Variants in TSHZ3 observed in about 807,000 individuals in gnomAD.
TSHZ3 encodes teashirt zinc finger homeobox 3.
TSHZ3 carries 10 observed loss-of-function variants against 64.5 expected under a neutral mutation model. The observed-to-expected ratio is 0.16, with a 90% CI of 0.10 to 0.26. The LOEUF is 0.26. Ranked by LOEUF, TSHZ3 falls within the 10% of genes least tolerant of loss-of-function variation. The pLI is 1.00. For synonymous variants in TSHZ3, 608 were observed against 593.1 expected (o/e 1.03, Z -0.36); for missense variants, 1,242 against 1,421.7 (o/e 0.87, Z 2.03).
intron 1 of TSHZ3, among the ~76,000 whole-genome samples, chr19:31,335,659 C>T (rs1356971290): frequency 6.6e-6 from 1 of 152,218 alleles, no homozygotes; most frequent in Non-Finnish European, 1.5e-5. Flanking sequence ...AAGTCGAAGC[C>T]ACTCATTTCC....
chr19:31,193,145 G>T (rs1253075798), intron 5 of TSHZ3, among the ~76,000 whole-genome samples: 3 of 152,144 alleles, frequency 2.0e-5, no homozygotes, highest in Non-Finnish European at 4.4e-5. Flanking sequence ...TGCTAAGCCT[G>T]CTCTGCCTTT....
chr19:31,226,245 G>A (rs1023679250), intron 4 of TSHZ3, among the ~76,000 whole-genome samples: 2 of 151,830 alleles, frequency 1.3e-5, no homozygotes, highest in East Asian at 3.9e-4. Flanking sequence ...CATTTGATAT[G>A]GTTTCTGTGT....
chr19:31,318,798 C>G (rs1478528772), intron 1 of TSHZ3, among the ~76,000 whole-genome samples: 1 of 152,300 alleles, frequency 6.6e-6, no homozygotes, highest in East Asian at 1.9e-4. Context: ...GCAGGAAGTT[C>G]ATTCAATAAA....
chr19:31,310,485 T>C (rs1232084647), intron 1 of TSHZ3, among the ~76,000 whole-genome samples: 1 of 152,162 alleles, frequency 6.6e-6, no homozygotes, highest in African/African-American at 2.4e-5. Flanking sequence ...AGGGACCCAC[T>C]GCTCAGGAGA....
At chr19:31,185,380 T>C (rs530946392) in intron 5 of TSHZ3, among the ~76,000 whole-genome samples, 1 of 152,250 alleles carries the variant, frequency 6.6e-6, no homozygotes, top group South Asian at 2.1e-4. Flanking sequence ...TCCTAGCCCC[T>C]TAGGGGAGGG....
chr19:31,348,523 G>C (rs1224375816), intron 1 of TSHZ3, among the ~76,000 whole-genome samples: 1 of 151,294 alleles, frequency 6.6e-6, no homozygotes, highest in East Asian at 1.9e-4. Context: ...CCAGAACTAA[G>C]TGCTATGCGG....
chr19:31,311,075 GC>G (rs1000704600), intron 1 of TSHZ3, among the ~76,000 whole-genome samples: 1 of 152,180 alleles, frequency 6.6e-6, no homozygotes, highest in Non-Finnish European at 1.5e-5. Context: ...TGGTAAGGTG[GC>G]AGCCAAAAGG....
At chr19:31,184,105 A>T (rs1974767397) in intron 5 of TSHZ3, among the ~76,000 whole-genome samples, 1 of 152,210 alleles carries the variant, frequency 6.6e-6, no homozygotes, top group Non-Finnish European at 1.5e-5. Flanking sequence ...CATTTTATGA[A>T]TATGTAAAAG....
intron 5 of TSHZ3, among the ~76,000 whole-genome samples, chr19:31,199,031 C>T (rs1175289698): frequency 6.6e-6 from 1 of 152,050 alleles, no homozygotes; most frequent in Non-Finnish European, 1.5e-5. Context: ...TGTAAAACTA[C>T]AATAATCAAG....
chr19:31,242,129 C>A (rs184844792), intron 3 of TSHZ3, among the ~76,000 whole-genome samples: 22 of 152,262 alleles, frequency 1.4e-4, no homozygotes, highest in African/African-American at 5.3e-4. Flanking sequence ...ATATGGCAGC[C>A]CTGGTCTTTG....
chr19:31,184,721 A>T (rs910719690), intron 5 of TSHZ3, among the ~76,000 whole-genome samples: 19 of 152,312 alleles, frequency 1.2e-4, no homozygotes, highest in Admixed American at 1.2e-3. Flanking sequence ...ATTAGATTAG[A>T]GGTATTTGAT....
At position 31,306,161 on chromosome 19, in the gene TSHZ3, C is replaced by T. The variant is rs1916284831; in HGVS notation, c.41-26409G>A. On this transcript the variant is annotated intron_variant, in intron 1 of 1. Transcript: ENST00000240587. The stretch of plus-strand genomic sequence containing the variant: ...CGACGGCACACCCACCGTGTGCGCT[C>T]ATTCCCGGGGTGGCCTTGCATATGC... Among the ~76,000 whole-genome samples, 2 of 152,184 alleles carry T rather than the reference C, an allele frequency of 1.3e-5. 1 individual carries two copies. The highest frequency in any genetic ancestry group is 4.1e-4 in the South Asian group (2 of 4,832).
intron 6 of TSHZ3, among the ~76,000 whole-genome samples, chr19:31,154,555 T>C (rs918255073): frequency 5.3e-5 from 8 of 152,196 alleles, no homozygotes; most frequent in African/African-American, 1.9e-4. Context: ...TTTGAAGGGC[T>C]GGGGATAATG....
At chr19:31,312,905 T>G (rs1916499846) in intron 1 of TSHZ3, among the ~76,000 whole-genome samples, 1 of 152,236 alleles carries the variant, frequency 6.6e-6, no homozygotes, top group African/African-American at 2.4e-5. Flanking sequence ...TTAATGACAT[T>G]GTTTGATTTC....
chr19:31,161,562 C>T (rs972391676), intron 5 of TSHZ3, among the ~76,000 whole-genome samples: 5 of 152,174 alleles, frequency 3.3e-5, no homozygotes, highest in Non-Finnish European at 5.9e-5. Flanking sequence ...CTTAGGCACA[C>T]ACAACATTTC....
downstream of TSHZ3, among the ~76,000 whole-genome samples, chr19:31,271,906 G>T (rs1385468650): frequency 1.3e-5 from 2 of 152,144 alleles, no homozygotes; most frequent in Non-Finnish European, 2.9e-5. Flanking sequence ...TTATTAAAGA[G>T]CGGTGTTGGA....
chr19:31,157,650 T>G (rs987677017), intron 5 of TSHZ3, among the ~76,000 whole-genome samples: 3 of 152,190 alleles, frequency 2.0e-5, no homozygotes, highest in Admixed American at 6.5e-5. Context: ...CAAACATATA[T>G]GGCTATATAC....
At chr19:31,307,795 G>A (rs1453885620) in intron 1 of TSHZ3, among the ~76,000 whole-genome samples, 1 of 152,172 alleles carries the variant, frequency 6.6e-6, no homozygotes, top group Non-Finnish European at 1.5e-5. Flanking sequence ...GGCTCTGGCA[G>A]CCTTATTTCT....
chr19:31,171,169 G>T (rs556269959), intron 5 of TSHZ3, among the ~76,000 whole-genome samples: 1 of 152,114 alleles, frequency 6.6e-6, no homozygotes, highest in Non-Finnish European at 1.5e-5. Flanking sequence ...CCAGTACCCC[G>T]CTTGGTAGCC....
Sources: gnomAD v4.1 joint callset for allele counts (sites outside exome capture counted in the v4.1 genomes callset) on GRCh38, gnomAD v4.1.1 for gene constraint, MANE v1.5 for transcripts, NCBI Gene and HGNC (gene_info 2026-07-23, HGNC 2026-07-21) for gene names.